Variants in HDAC9 observed in about 807,000 individuals in gnomAD.
HDAC9 encodes the protein MEF-2 interacting transcription repressor (MITR) protein.
A neutral mutation model predicts 139.4 loss-of-function variants in HDAC9; 41 were observed. The ratio of observed to expected loss-of-function variants is 0.29; its 90% CI spans 0.23 to 0.38. The LOEUF is 0.38. Ranked by LOEUF, HDAC9 falls within the 10% of genes least tolerant of loss-of-function variation. The probability of loss-of-function intolerance (pLI) is 1.00; values close to 1 mark genes in which losing one functional copy is unlikely to be tolerated. For missense variants in HDAC9, 1,147 were observed against 1,297.0 expected (o/e 0.88, Z 1.78); for synonymous variants, 517 against 476.2 (o/e 1.09, Z -1.12).
intron 1 of HDAC9, among the ~76,000 whole-genome samples, chr7:18,134,780 A>G (rs1785273383): frequency 6.6e-6 from 1 of 152,146 alleles, no homozygotes; most frequent in South Asian, 2.1e-4. Context: ...TTTCAGAGGG[A>G]ATTCTTTTCA....
chr7:18,916,772 A>G (rs567217794), intron 22 of HDAC9, among the ~76,000 whole-genome samples: 5 of 152,180 alleles, frequency 3.3e-5, no homozygotes. Flanking sequence ...GTACATACAT[A>G]GAAAACAGGA....
chr7:18,933,884 A>G (rs1034058979), intron 22 of HDAC9, among the ~76,000 whole-genome samples: 9 of 152,174 alleles, frequency 5.9e-5, no homozygotes, highest in African/African-American at 2.2e-4. Flanking sequence ...AGAAATGAAA[A>G]TATCACTAAA....
chr7:18,783,191 C>A (rs148663841), intron 16 of HDAC9, among the ~76,000 whole-genome samples: 1 of 152,076 alleles, frequency 6.6e-6, no homozygotes, highest in Non-Finnish European at 1.5e-5. Flanking sequence ...ATAGGTGTAA[C>A]TTATTAATAC....
Position 18,814,232 on chromosome 7 carries a change from G to A in HDAC9, c.2323-14929G>A, listed in dbSNP as rs549747251. Among the ~76,000 whole-genome samples, 17 of 152,158 alleles carry A rather than the reference G, an allele frequency of 1.1e-4. No homozygotes were observed. In the East Asian group the frequency reaches 2.9e-3, roughly 26 times the overall value. ...GATATTTTAAAAATAACATAAATGG[G>A]AAATAATGGTTCCTGAAATAAATTA... On this transcript the variant is annotated intron_variant, in intron 17 of 25. Transcript: ENST00000686413.
intron 1 of HDAC9, among the ~76,000 whole-genome samples, chr7:18,414,707 A>G (rs559985606): frequency 2.0e-5 from 3 of 152,348 alleles, no homozygotes; most frequent in African/African-American, 7.2e-5. Flanking sequence ...ACTTCTAAAT[A>G]CAGAAAAACA....
At position 18,466,568 on chromosome 7, in the gene HDAC9, T is replaced by C. The variant is rs568309806; in HGVS notation, c.-41-29694T>C. The stretch of plus-strand genomic sequence containing the variant: ...CCTCTCGTACTTCAAATTGCTTCTG[T>C]CTCTTTATCATTGTACATCTCTGAC... On this transcript the variant is annotated intron_variant, in intron 1 of 3. Transcript: ENST00000413509. Among the ~76,000 whole-genome samples the C allele has an allele frequency of 2.0e-5, 3 of 152,270 alleles. No individual in the cohort carries two copies. The East Asian group carries it at 5.8e-4, about 29-fold the overall frequency.
At chr7:18,213,119 A>T (rs1370113166) in intron 2 of HDAC9, among the ~76,000 whole-genome samples, 1 of 152,192 alleles carries the variant, frequency 6.6e-6, no homozygotes, top group Admixed American at 6.6e-5. Context: ...ACCCAGTAAA[A>T]TGTTAATTTA....
At chr7:18,392,307 TCTCTCTCTCACA>T (rs543500788) in intron 1 of HDAC9, among the ~76,000 whole-genome samples, 2,150 of 137,422 alleles carry the variant, frequency 0.016, 25 homozygotes, top group East Asian at 0.06. Flanking sequence ...TCTCTCTCTC[TCTCTCTCTCACA>T]CACACACACA....
At chr7:18,173,977 A>T (rs1224260977) in intron 2 of HDAC9, among the ~76,000 whole-genome samples, 1 of 152,068 alleles carries the variant, frequency 6.6e-6, no homozygotes, top group Non-Finnish European at 1.5e-5. Context: ...GTATTTCCTG[A>T]ATTTGAATGT....
chr7:18,483,603 A>G (rs1220151793), intron 1 of HDAC9, among the ~76,000 whole-genome samples: 1 of 152,224 alleles, frequency 6.6e-6, no homozygotes, highest in Non-Finnish European at 1.5e-5. Flanking sequence ...TATGTTAAGA[A>G]GCTTAATTCT....
chr7:18,214,038 G>T (rs1023824458), intron 2 of HDAC9, among the ~76,000 whole-genome samples: 2 of 151,938 alleles, frequency 1.3e-5, no homozygotes, highest in African/African-American at 2.4e-5. Context: ...GTAGCTACAG[G>T]TTTATTTACT....
intron 12 of HDAC9, among the ~76,000 whole-genome samples, chr7:18,670,925 A>G (rs908821873): frequency 6.6e-6 from 1 of 151,446 alleles, no homozygotes; most frequent in African/African-American, 2.4e-5. Context: ...AATCCTGCAC[A>G]CATTTTATTC....
At chr7:18,301,186 C>G (rs945596600) in intron 1 of HDAC9, among the ~76,000 whole-genome samples, 3 of 152,018 alleles carry the variant, frequency 2.0e-5, no homozygotes, top group Admixed American at 2.0e-4. Context: ...AATATTCCCT[C>G]AAGTTAAATT....
chr7:18,878,288 G>T (rs931213471), intron 22 of HDAC9, among the ~76,000 whole-genome samples: 6 of 151,950 alleles, frequency 3.9e-5, no homozygotes, highest in Admixed American at 1.3e-4. Context: ...GCTTTTGTTG[G>T]TGTCAGGCAG....
intron 12 of HDAC9, among the ~76,000 whole-genome samples, chr7:18,683,448 T>G (rs192920689): frequency 4.0e-4 from 61 of 152,160 alleles, no homozygotes; most frequent in African/African-American, 1.4e-3. Context: ...ACATCGCTAC[T>G]TCTGAGCAGA....
chr7:18,993,442 C>G (rs1786167201), intron 25 of HDAC9, among the ~76,000 whole-genome samples: 1 of 152,192 alleles, frequency 6.6e-6, no homozygotes, highest in Non-Finnish European at 1.5e-5. Context: ...CCCAGAACAT[C>G]TACCTTGAAA....
intron 24 of HDAC9, among the ~76,000 whole-genome samples, chr7:18,961,637 AAAT>A (rs1194143662): frequency 6.6e-6 from 1 of 152,220 alleles, no homozygotes; most frequent in African/African-American, 2.4e-5. Flanking sequence ...AGATGATAGC[AAAT>A]AATAAAATAA....
chr7:18,612,569 T>G (rs1042334734), intron 6 of HDAC9, among the ~76,000 whole-genome samples: 1 of 151,772 alleles, frequency 6.6e-6, no homozygotes, highest in African/African-American at 2.4e-5. Context: ...AGAAGATGAG[T>G]AGACACAGAA....
At chr7:18,734,013 G>A (rs1354277167) in intron 13 of HDAC9, among the ~76,000 whole-genome samples, 10 of 151,928 alleles carry the variant, frequency 6.6e-5, no homozygotes, top group African/African-American at 9.7e-5. Context: ...TTCTACTTAC[G>A]GAAATATCCT....
Sources: gnomAD v4.1 joint callset for allele counts (sites outside exome capture counted in the v4.1 genomes callset) on GRCh38, gnomAD v4.1.1 for gene constraint, MANE v1.5 for transcripts, NCBI Gene and HGNC (gene_info 2026-07-23, HGNC 2026-07-21) for gene names.